SUPT3H: variants seen among roughly 807,000 people sequenced by gnomAD.
SUPT3H encodes the protein transcription initiation protein SPT3 homolog.
A neutral mutation model predicts 44.3 loss-of-function variants in SUPT3H; 44 were observed. That is an observed-to-expected ratio of 0.99 (90% CI 0.78 to 1.28). The LOEUF (loss-of-function observed/expected upper bound fraction) is 1.28, where lower values mean the gene tolerates loss of function less well. Ranked by LOEUF, SUPT3H falls within the 50% of genes most tolerant of loss-of-function variation. SUPT3H has a pLI of 0.00. For synonymous variants in SUPT3H, 124 were observed against 125.6 expected (o/e 0.99, Z 0.09); for missense variants, 380 against 387.1 (o/e 0.98, Z 0.15).
At chr6:45,360,934 T>C (rs1286308475) in intron 2 of SUPT3H, among the ~76,000 whole-genome samples, 1 of 152,172 alleles carries the variant, frequency 6.6e-6, no homozygotes, top group Non-Finnish European at 1.5e-5. Context: ...CTAGACTATA[T>C]GCCTCTTGAA....
intron 2 of SUPT3H, among the ~76,000 whole-genome samples, chr6:45,354,999 G>C (rs891607755): frequency 6.6e-6 from 1 of 152,004 alleles, no homozygotes; most frequent in Non-Finnish European, 1.5e-5. Context: ...TTTGGAGACA[G>C]GGTCTCACTC....
rs765333044 is a variant in SUPT3H at position 45,321,832 on chromosome 6, T to C, written c.101+43369A>G. ...ATTCAGCAGTGGAAGGATATTGTGA[T>C]AACAATAGGGAAAAACTGATTTTCC... On this transcript the variant is annotated intron_variant, in intron 2 of 10. Transcript: ENST00000371459. 20 of 1,605,424 alleles carry C rather than the reference T, an allele frequency of 1.2e-5. No individual in the cohort carries two copies. In the Admixed American group the frequency reaches 1.7e-4, roughly 14 times the overall value.
chr6:45,087,549 T>G (rs2153561245), intron 3 of SUPT3H, among the ~76,000 whole-genome samples: 1 of 151,884 alleles, frequency 6.6e-6, no homozygotes, highest in East Asian at 1.9e-4. Flanking sequence ...AAAAAGATTA[T>G]TATTAGCAAT....
In SUPT3H at chr6:44,846,128, C is replaced by T. The variant is rs563635014; in HGVS notation, c.913-16271G>A. On this transcript the variant is annotated intron_variant, in intron 10 of 10. Transcript: ENST00000371459. ...GGCAGTGGGGCACTGAACAAGCGAG[C>T]CACACCCCCACTGCATGCCCTGTGA... Among the ~76,000 whole-genome samples the T allele has an allele frequency of 2.6e-5, 4 of 152,280 alleles. No individual in the cohort carries two copies. In the East Asian group the frequency reaches 7.7e-4, roughly 29 times the overall value.
At chr6:45,150,564 C>T (rs1293855919) in intron 2 of SUPT3H, among the ~76,000 whole-genome samples, 1 of 152,002 alleles carries the variant, frequency 6.6e-6, no homozygotes, top group Non-Finnish European at 1.5e-5. Context: ...GTAAACTCAG[C>T]ATGGGACACC....
chr6:45,061,240 T>C (rs946386512), intron 3 of SUPT3H, among the ~76,000 whole-genome samples: 15 of 152,120 alleles, frequency 9.9e-5, no homozygotes, highest in African/African-American at 3.1e-4. Context: ...ATGTGGTACA[T>C]ATACACCATG....
At chr6:45,248,281 G>A (rs892187159) in intron 2 of SUPT3H, among the ~76,000 whole-genome samples, 2 of 152,038 alleles carry the variant, frequency 1.3e-5, no homozygotes, top group Non-Finnish European at 2.9e-5. Context: ...TGCCAAAGAT[G>A]CTGTTGGAAA....
chr6:45,171,336 CATAAATTTGT>C (rs1810737474), intron 2 of SUPT3H, among the ~76,000 whole-genome samples: 1 of 152,060 alleles, frequency 6.6e-6, no homozygotes, highest in African/African-American at 2.4e-5. Flanking sequence ...ATAAATTGTG[CATAAATTTGT>C]ACATTCAGTT....
Position 45,188,097 on chromosome 6 carries a change from A to C in SUPT3H, c.102-82091T>G, listed in dbSNP as rs561105862. 8.5e-4 allele frequency among the ~76,000 whole-genome samples: 130 copies of C among 152,354 alleles called. 1 individual carries two copies. Among genetic ancestry groups the C allele is most frequent in the African/African-American group, 3.0e-3 (125 of 41,580 alleles). Reference sequence around the variant, plus strand: ...CCATTAGTCACTTTGCTGCCTTCTAAATTCTATCAGATCAACTGTCACAGC... The same window carrying C: ...CCATTAGTCACTTTGCTGCCTTCTACATTCTATCAGATCAACTGTCACAGC... On this transcript the variant is annotated intron_variant, in intron 2 of 10. Transcript: ENST00000371459.
At chr6:45,196,888 T>C (rs1816128375) in intron 2 of SUPT3H, among the ~76,000 whole-genome samples, 1 of 151,680 alleles carries the variant, frequency 6.6e-6, no homozygotes, top group Admixed American at 6.6e-5. Flanking sequence ...TGCTATATTA[T>C]TTTTTTAAAA....
intron 3 of SUPT3H, among the ~76,000 whole-genome samples, chr6:45,056,516 T>C (rs1336638466): frequency 1.3e-5 from 2 of 152,142 alleles, no homozygotes; most frequent in Non-Finnish European, 2.9e-5. Flanking sequence ...AACAAAATAA[T>C]GCAGCATTTG....
chr6:45,020,514 G>A (rs2153517813), intron 4 of SUPT3H, 32 bp downstream of exon 4: 4 of 1,537,092 alleles, frequency 2.6e-6, no homozygotes, highest in East Asian at 2.3e-5. Flanking sequence ...ACAAAACGTG[G>A]ATTTTAATAC....
At chr6:44,843,181 G>A (rs1448117908) in intron 10 of SUPT3H, among the ~76,000 whole-genome samples, 2 of 152,072 alleles carry the variant, frequency 1.3e-5, no homozygotes, top group Non-Finnish European at 2.9e-5. Context: ...TATACATGAA[G>A]AAGCATTAGA....
At chr6:45,048,666 G>C (rs1348369363) in intron 3 of SUPT3H, among the ~76,000 whole-genome samples, 1 of 152,088 alleles carries the variant, frequency 6.6e-6, no homozygotes, top group Non-Finnish European at 1.5e-5. Context: ...TGGGTAAACG[G>C]ATAAAGAAAA....
At chr6:45,339,205 T>C (rs1422826418) in intron 2 of SUPT3H, among the ~76,000 whole-genome samples, 1 of 152,164 alleles carries the variant, frequency 6.6e-6, no homozygotes, top group African/African-American at 2.4e-5. Flanking sequence ...AAGAATTCAC[T>C]AGCCTATACA....
At chr6:45,006,966 G>GATTTACTTTCTGCATTTGC (rs1782804768) in intron 5 of SUPT3H, among the ~76,000 whole-genome samples, 1 of 152,082 alleles carries the variant, frequency 6.6e-6, no homozygotes, top group Non-Finnish European at 1.5e-5. Flanking sequence ...ATCTATGGAT[G>GATTTACTTTCTGCATTTGC]ATTTACTTTC....
At chr6:45,236,017 T>TC (rs1226232426) in intron 2 of SUPT3H, among the ~76,000 whole-genome samples, 1 of 152,172 alleles carries the variant, frequency 6.6e-6, no homozygotes, top group Admixed American at 6.5e-5. Flanking sequence ...ATCCCTTTTT[T>TC]CCCGTAAGGA....
rs187433852 is a variant in SUPT3H, at chr6:44,884,701, G to A, written c.912+47952C>T. 6.5e-3 allele frequency among the ~76,000 whole-genome samples: 991 copies of A among 152,240 alleles called. 12 individuals are homozygous for A. The highest frequency in any genetic ancestry group is 0.023 in the African/African-American group (937 of 41,540). ...AGCATGAGCAATGCAGAAGACGGGT[G>A]ATTTCTGCATTTCTATCTGAGGTAC... is the stretch of plus-strand genomic sequence containing the variant. On this transcript the variant is annotated intron_variant, in intron 10 of 10. Coordinates refer to ENST00000371459, the MANE Select transcript of SUPT3H (RefSeq NM_003599.4).
intron 6 of SUPT3H, among the ~76,000 whole-genome samples, chr6:44,964,391 G>C (rs1035923627): frequency 5.9e-5 from 9 of 152,112 alleles, no homozygotes; most frequent in Non-Finnish European, 1.3e-4. Context: ...TGTTCCTAAA[G>C]GGATTCTTAA....
Sources: allele counts gnomAD v4.1 joint callset (sites outside exome capture counted in the v4.1 genomes callset), GRCh38; gene constraint gnomAD v4.1.1; transcripts MANE v1.5; gene names NCBI Gene and HGNC (gene_info 2026-07-23, HGNC 2026-07-21).